EMCN: variants seen among roughly 807,000 people sequenced by gnomAD.
EMCN encodes the protein MUC-14.
EMCN carries 37 observed loss-of-function variants against 38.4 expected under a neutral mutation model. The ratio of observed to expected loss-of-function variants is 0.96; its 90% CI spans 0.74 to 1.27. The LOEUF is 1.27. Among genes scored for constraint, EMCN ranks in the 50% most tolerant of loss-of-function variants. The pLI, the probability that EMCN is intolerant of heterozygous loss-of-function variation, is 0.00. For synonymous variants in EMCN, 95 were observed against 100.8 expected (o/e 0.94, Z 0.35); for missense variants, 318 against 302.8 (o/e 1.05, Z -0.37).
rs139262330 is a variant in EMCN, at chr4:100,453,081, G to T, written c.377-5510C>A. 6.4e-3 allele frequency among the ~76,000 whole-genome samples: 976 copies of T among 152,206 alleles called. 12 individuals carry two copies. Among genetic ancestry groups the T allele is most frequent in the African/African-American group, 0.022 (899 of 41,528 alleles). On this transcript the variant is annotated intron_variant, in intron 4 of 11. Coordinates refer to ENST00000296420, the MANE Select transcript of EMCN (RefSeq NM_016242.4). ...ACCTAAAACCATAAAAACCCTAGAA[G>T]AAAACCTAGGCAATACCATTCAGGA...
chr4:100,429,326 G>C (rs1727136001), intron 5 of EMCN, among the ~76,000 whole-genome samples: 1 of 152,126 alleles, frequency 6.6e-6, no homozygotes, highest in South Asian at 2.1e-4. Context: ...GTTTTGGAAA[G>C]GGAACATGTT....
intron 5 of EMCN, among the ~76,000 whole-genome samples, chr4:100,425,123 C>T (rs1727007157): frequency 7.0e-6 from 1 of 142,706 alleles, no homozygotes; most frequent in Non-Finnish European, 1.5e-5. Context: ...CTGCAACCTT[C>T]AGTTAAGAAA....
intron 4 of EMCN, among the ~76,000 whole-genome samples, chr4:100,450,645 C>T (rs927546300): frequency 2.0e-5 from 3 of 151,940 alleles, no homozygotes; most frequent in Non-Finnish European, 2.9e-5. Context: ...GAATACTTCT[C>T]ATCTGGCTAA....
intron 2 of EMCN, 47 bp downstream of exon 2, chr4:100,479,870 A>C: frequency 6.5e-7 from 1 of 1,527,626 alleles, no homozygotes; most frequent in African/African-American, 1.4e-5. Flanking sequence ...CATACTACTA[A>C]TTTTATTTGT....
intron 1 of EMCN, among the ~76,000 whole-genome samples, chr4:100,508,904 A>G (rs755566568): frequency 6.6e-6 from 1 of 152,196 alleles, no homozygotes; most frequent in Non-Finnish European, 1.5e-5. Context: ...AGCAAATCAA[A>G]TAAGTTTAGC....
intron 3 of EMCN, among the ~76,000 whole-genome samples, chr4:100,471,045 A>G (rs975091321): frequency 4.6e-5 from 7 of 151,998 alleles, no homozygotes; most frequent in African/African-American, 7.2e-5. Flanking sequence ...AGAAACTAGA[A>G]AAAGAAGAGC....
intron 4 of EMCN, among the ~76,000 whole-genome samples, chr4:100,458,462 A>T (rs1728079575): frequency 6.6e-6 from 1 of 152,160 alleles, no homozygotes; most frequent in South Asian, 2.1e-4. Flanking sequence ...ACAACCTTAA[A>T]ATCCATTAAG....
In EMCN at chr4:100,395,737, A is replaced by G. The variant is rs553469657; in HGVS notation, c.*2676T>C. On this transcript the variant is annotated 3_prime_UTR_variant, in exon 12 of 12. Coordinates refer to ENST00000296420, the MANE Select transcript of EMCN (RefSeq NM_016242.4). The stretch of plus-strand genomic sequence containing the variant: ...AAATATGGTAGGTAGAAAAGAAATA[A>G]CACACAGATTTGTCAACCATATGTA... The G allele has an allele frequency of 6.6e-6, 1 of 152,184 alleles. No individual in the cohort carries two copies. Among genetic ancestry groups the G allele is most frequent in the African/African-American group, 2.4e-5 (1 of 41,462 alleles). The allele number at this position is 152,184 out of a possible 1,614,324, so 9.4% of individuals were successfully genotyped here. A position where few individuals can be genotyped will look rare whatever the true frequency, so the allele number is the denominator to read the frequency against.
chr4:100,439,491 G>A (rs770766787), intron 5 of EMCN, among the ~76,000 whole-genome samples: 20 of 150,272 alleles, frequency 1.3e-4, no homozygotes, highest in Admixed American at 9.2e-4. Flanking sequence ...CATTTTTTTC[G>A]CTTTAATTTA....
At chr4:100,427,340 C>G (rs1439719814) in intron 5 of EMCN, among the ~76,000 whole-genome samples, 1 of 152,032 alleles carries the variant, frequency 6.6e-6, no homozygotes, top group African/African-American at 2.4e-5. Flanking sequence ...GGGGCAGTCA[C>G]AGTTCCCTGC....
chr4:100,438,937 C>T (rs1727429706), intron 5 of EMCN, among the ~76,000 whole-genome samples: 1 of 151,978 alleles, frequency 6.6e-6, no homozygotes, highest in South Asian at 2.1e-4. Flanking sequence ...ATAAATCCCA[C>T]TTGGTCACAA....
intron 10 of EMCN, among the ~76,000 whole-genome samples, chr4:100,413,277 G>T (rs1726615294): frequency 3.3e-5 from 5 of 151,988 alleles, no homozygotes; most frequent in Non-Finnish European, 7.4e-5. Context: ...ATTGTTTTCT[G>T]TATTTTAAAA....
chr4:100,467,013 T>C (rs982913118), intron 3 of EMCN, among the ~76,000 whole-genome samples: 1 of 151,628 alleles, frequency 6.6e-6, no homozygotes, highest in Non-Finnish European at 1.5e-5. Context: ...AAGAAAGATG[T>C]GGAGGGCTGC....
intron 1 of EMCN, among the ~76,000 whole-genome samples, chr4:100,489,839 G>T (rs956559227): frequency 6.6e-5 from 10 of 152,136 alleles, no homozygotes; most frequent in African/African-American, 2.4e-4. Flanking sequence ...ACTTGAGCAT[G>T]CCTAGATTTC....
Position 100,517,979 on chromosome 4 carries a change from C to A in EMCN, c.-65G>T. Reference sequence around the variant, plus strand: ...GCAGGCAGGGACAATTCCCTCCCAGCCTGGCAGGGCCTTATTAGCAAATGG... The same window carrying A: ...GCAGGCAGGGACAATTCCCTCCCAGACTGGCAGGGCCTTATTAGCAAATGG... On this transcript the variant is annotated 5_prime_UTR_variant, in exon 1 of 12. Transcript: ENST00000296420. 6.8e-7 allele frequency: 1 copy of A among 1,473,972 alleles called. No individual in the cohort carries two copies. Among genetic ancestry groups the A allele is most frequent in the Non-Finnish European group, 9.5e-7 (1 of 1,052,918 alleles). 91.3% of individuals were successfully genotyped at this position (1,473,972 alleles called of 1,614,324 possible).
chr4:100,435,178 C>G (rs1035756245), intron 5 of EMCN, among the ~76,000 whole-genome samples: 8 of 152,118 alleles, frequency 5.3e-5, no homozygotes, highest in Non-Finnish European at 1.2e-4. Context: ...TCAGCAAAGC[C>G]TGGGGATATA....
chr4:100,414,832 T>C (rs944711432), intron 10 of EMCN, among the ~76,000 whole-genome samples: 1 of 152,226 alleles, frequency 6.6e-6, no homozygotes, highest in African/African-American at 2.4e-5. Flanking sequence ...CTTATTCAAC[T>C]GGGGAATTGG....
chr4:100,490,572 A>G (rs1225942477), intron 1 of EMCN, among the ~76,000 whole-genome samples: 1 of 152,078 alleles, frequency 6.6e-6, no homozygotes, highest in African/African-American at 2.4e-5. Flanking sequence ...TGCCTTTTCT[A>G]TGTTTAGATA....
At chr4:100,497,694 A>C (rs1409547254) in intron 1 of EMCN, among the ~76,000 whole-genome samples, 5 of 152,218 alleles carry the variant, frequency 3.3e-5, no homozygotes, top group Admixed American at 3.3e-4. Context: ...GTTTTTAAAG[A>C]AGAGCAAGTT....
Sources: allele counts gnomAD v4.1 joint callset (sites outside exome capture counted in the v4.1 genomes callset), GRCh38; gene constraint gnomAD v4.1.1; transcripts MANE v1.5; gene names NCBI Gene and HGNC (gene_info 2026-07-23, HGNC 2026-07-21).